DLGAP2: variants seen among roughly 807,000 people sequenced by gnomAD.
DLGAP2 encodes disks large-associated protein 2.
Under a neutral mutation model 100.3 loss-of-function variants are expected in DLGAP2, and 26 were observed. The ratio of observed to expected loss-of-function variants is 0.26; its 90% CI spans 0.19 to 0.36. The LOEUF (loss-of-function observed/expected upper bound fraction) is 0.36. Among genes scored for constraint, DLGAP2 ranks in the 10% least tolerant of loss-of-function variants. The probability of loss-of-function intolerance (pLI) is 1.00; values close to 1 mark genes in which losing one functional copy is unlikely to be tolerated. For missense variants in DLGAP2, 1,858 were observed against 1,453.2 expected, an observed-to-expected ratio of 1.28 and a Z score of -4.53; for synonymous variants, 886 against 630.1, an observed-to-expected ratio of 1.41 and a Z score of -6.08.
intron 1 of DLGAP2, among the ~76,000 whole-genome samples, chr8:744,857 C>G (rs758873400): frequency 6.6e-6 from 1 of 152,316 alleles, no homozygotes. Flanking sequence ...TCCCCGGCCC[C>G]GATGCCTGAG....
chr8:1,436,717 C>CCACTCACCCATT (rs900161649), intron 3 of DLGAP2, among the ~76,000 whole-genome samples: 1 of 152,092 alleles, frequency 6.6e-6, no homozygotes, highest in Non-Finnish European at 1.5e-5. Flanking sequence ...CATTCACTCC[C>CCACTCACCCATT]CACTCACCCA....
chr8:921,043 A>G (rs527599979), intron 2 of DLGAP2, among the ~76,000 whole-genome samples: 1 of 152,280 alleles, frequency 6.6e-6, no homozygotes, highest in South Asian at 2.1e-4. Flanking sequence ...ACCTAAGTGT[A>G]CATTTCACTC....
At chr8:965,119 C>A (rs73673037) in intron 2 of DLGAP2, among the ~76,000 whole-genome samples, 1,462 of 149,084 alleles carry the variant, frequency 9.8e-3, no homozygotes, top group African/African-American at 0.035. Context: ...AGAGCCCGAC[C>A]CCCGCATGCA....
chr8:836,146 A>T (rs996634285), intron 1 of DLGAP2, among the ~76,000 whole-genome samples: 14 of 152,270 alleles, frequency 9.2e-5, no homozygotes, highest in African/African-American at 3.1e-4. Flanking sequence ...TTAAATTTAG[A>T]CACCGAATCC....
intron 2 of DLGAP2, among the ~76,000 whole-genome samples, chr8:1,053,956 T>C (rs1802797995): frequency 1.3e-5 from 2 of 152,182 alleles, no homozygotes; most frequent in African/African-American, 2.4e-5. Flanking sequence ...ATTTCACTTT[T>C]ATTTGGGTCT....
chr8:1,587,687 A>C (rs1796166505), intron 6 of DLGAP2, among the ~76,000 whole-genome samples: 1 of 152,214 alleles, frequency 6.6e-6, no homozygotes. Flanking sequence ...ACTATTAAAA[A>C]TATAGCTACT....
intron 2 of DLGAP2, among the ~76,000 whole-genome samples, chr8:1,256,778 G>A (rs1799231759): frequency 6.6e-6 from 1 of 152,178 alleles, no homozygotes; most frequent in African/African-American, 2.4e-5. Context: ...GCGTTTCCAG[G>A]TCAACTAAAC....
chr8:1,609,448 A>G (rs1296480260), intron 6 of DLGAP2, among the ~76,000 whole-genome samples: 1 of 138,072 alleles, frequency 7.2e-6, no homozygotes. Context: ...GCCAAAATGT[A>G]AAGACCATCG....
chr8:969,543 A>G (rs1033977498), intron 2 of DLGAP2, among the ~76,000 whole-genome samples: 3 of 90,638 alleles, frequency 3.3e-5, no homozygotes, highest in Admixed American at 1.2e-4. Context: ...TGCCAGTTAG[A>G]AAAAAAAAAA....
At chr8:1,565,591 T>G (rs1802364688) in intron 5 of DLGAP2, 92 bp from the exon 6 acceptor site, 1 of 972,260 alleles carries the variant, frequency 1.0e-6, no homozygotes, top group Admixed American at 2.6e-5. Flanking sequence ...TGTATCTTTA[T>G]GGAATTGTAG....
rs181635888 is a variant in DLGAP2, at chr8:884,762, G to A, written c.19-23150G>A. Among the ~76,000 whole-genome samples, 9 of 152,058 alleles carry A rather than the reference G, an allele frequency of 5.9e-5. No homozygotes were observed. The East Asian group carries it at 1.2e-3, about 20-fold the overall frequency. ...TTTCTTCTAGGATTTTTATCGTTTTGGATTTTAAATTTAAGTCTTTAATCC... is the reference window on the plus strand; with the variant it reads ...TTTCTTCTAGGATTTTTATCGTTTTAGATTTTAAATTTAAGTCTTTAATCC... On this transcript the variant is annotated intron_variant, in intron 1 of 14. Transcript: ENST00000637795.
intron 3 of DLGAP2, among the ~76,000 whole-genome samples, chr8:1,379,117 G>T (rs1435838507): frequency 6.6e-6 from 1 of 152,262 alleles, no homozygotes; most frequent in African/African-American, 2.4e-5. Flanking sequence ...GCACAGCTAG[G>T]TGAGGAGACA....
intron 3 of DLGAP2, among the ~76,000 whole-genome samples, chr8:1,267,560 A>AAATATAATAAT (rs1563051842): frequency 0.012 from 645 of 54,080 alleles, 12 homozygotes; most frequent in African/African-American, 0.06. Flanking sequence ...TTCCCGCTCA[A>AAATATAATAAT]AATAAAATAA....
intron 2 of DLGAP2, among the ~76,000 whole-genome samples, chr8:1,104,566 C>T (rs1004815298): frequency 3.3e-5 from 5 of 152,280 alleles, no homozygotes; most frequent in African/African-American, 1.2e-4. Flanking sequence ...AACAGAGGCC[C>T]GAATGGTTTC....
chr8:1,198,109 C>T (rs940560451), intron 2 of DLGAP2, among the ~76,000 whole-genome samples: 14 of 146,770 alleles, frequency 9.5e-5, no homozygotes, highest in Non-Finnish European at 1.8e-4. Context: ...TGTGTGTGTA[C>T]GTGTGTGCGT....
intron 13 of DLGAP2, among the ~76,000 whole-genome samples, chr8:1,694,732 A>G (rs2130881631): frequency 6.6e-6 from 1 of 152,218 alleles, no homozygotes; most frequent in Middle Eastern, 3.4e-3. Flanking sequence ...CGAAGTTCCT[A>G]TCCAATGGAC....
rs191617681 is a variant in DLGAP2, at chr8:1,632,588, C to T, written c.1591-239C>T. On this transcript the variant is annotated intron_variant, in intron 7 of 14. Transcript: ENST00000637795. ...AGCCTTACCTTGAAGGTTTGCCTTG[C>T]GGTCCCCCAGAATTTCATCAACACT... Among the ~76,000 whole-genome samples the T allele has an allele frequency of 6.6e-5, 10 of 152,308 alleles. No individual in the cohort carries two copies. The East Asian group carries it at 9.6e-4, about 15-fold the overall frequency.
At chr8:1,539,935 G>C (rs1801303002) in intron 4 of DLGAP2, among the ~76,000 whole-genome samples, 1 of 152,118 alleles carries the variant, frequency 6.6e-6, no homozygotes, top group Non-Finnish European at 1.5e-5. Context: ...TCAAGCATCA[G>C]TGGCTTCCCA....
rs556657380 is a variant in DLGAP2, at chr8:1,330,622, C to T, written c.106+71739C>T. 4.8e-3 allele frequency among the ~76,000 whole-genome samples: 603 copies of T among 124,714 alleles called. 9 individuals carry two copies. The highest frequency in any genetic ancestry group is 0.016 in the African/African-American group (519 of 33,164). The allele number at this position is 124,714 out of a possible 152,430, so 81.8% of individuals were successfully genotyped here. ...GGGACCGAGTTCTGGGTGGGAGCAC[C>T]GCTTCACGGGGACCGAGTTCTGGGT... On this transcript the variant is annotated intron_variant, in intron 3 of 14. Transcript: ENST00000637795.
Sources: allele counts gnomAD v4.1 joint callset (sites outside exome capture counted in the v4.1 genomes callset), GRCh38; gene constraint gnomAD v4.1.1; transcripts MANE v1.5; gene names NCBI Gene and HGNC (gene_info 2026-07-23, HGNC 2026-07-21).